The following LRR1 variants were observed in gnomAD, a reference collection of about 807,000 sequenced individuals.
The protein encoded by LRR1 is leucine rich repeat protein 1.
Under a neutral mutation model 31.6 loss-of-function variants are expected in LRR1, and 29 were observed. The observed-to-expected ratio is 0.92, with a 90% CI of 0.68 to 1.25. The LOEUF (loss-of-function observed/expected upper bound fraction) is 1.25, where lower values mean the gene tolerates loss of function less well. Among genes scored for constraint, LRR1 ranks in the 50% most tolerant of loss-of-function variants. LRR1 has a pLI of 0.00. For synonymous variants in LRR1, 179 were observed against 181.4 expected, an observed-to-expected ratio of 0.99 and a Z score of 0.10; for missense variants, 485 against 487.2, an observed-to-expected ratio of 1.00 and a Z score of 0.04.
intron 3 of LRR1, chr14:49,612,527 G>GT: frequency 8.1e-7 from 1 of 1,234,664 alleles, no homozygotes; most frequent in Non-Finnish European, 1.0e-6. Flanking sequence ...CCCTGGCAGA[G>GT]TTTTTTAAAA....
intron 2 of LRR1, among the ~76,000 whole-genome samples, chr14:49,606,849 G>T (rs1274852597): frequency 6.6e-6 from 1 of 150,964 alleles, no homozygotes; most frequent in Non-Finnish European, 1.5e-5. Context: ...TAGAAACAGG[G>T]CTTCACCATG....
chr14:49,606,145 G>GCTT (rs1271396342), intron 2 of LRR1, among the ~76,000 whole-genome samples: 4 of 150,196 alleles, frequency 2.7e-5, no homozygotes, highest in African/African-American at 2.5e-5. Context: ...TCCTGCCTCA[G>GCTT]CCTACCAAGC....
At position 49,614,463 on chromosome 14, in the gene LRR1, CTG is replaced by C. The variant is rs753903362; in HGVS notation, c.1214_1215del (p.Cys405LeufsTer3). Reference sequence around the variant, plus strand: ...TTATCTCTTATTTCTGTTCTCTAGGCTGTTATGTTAATTCCTCTGATATGTTA... The same window carrying C: ...TTATCTCTTATTTCTGTTCTCTAGGCTTATGTTAATTCCTCTGATATGTTA... The part of the protein sequence containing the change: ...PIISYFCSLG[C>X]YVNSSDMLK On this transcript the variant is annotated frameshift_variant, in exon 4 of 4. Coordinates refer to ENST00000298288, the MANE Select transcript of LRR1 (RefSeq NM_152329.4). LOFTEE classifies it high-confidence loss of function. 1 of 1,613,840 alleles carries C rather than the reference CTG, an allele frequency of 6.2e-7. No individual in the cohort carries two copies. The highest frequency in any genetic ancestry group is 1.7e-5 in the Admixed American group (1 of 60,004).
Position 49,599,333 on chromosome 14 carries a change from G to T in LRR1, c.183+130G>T, listed in dbSNP as rs1881944769. ...CGCCTTGGGGGTTCCTGAACTCCCAGCCTTGAGACCTACCATCAGCCCGAC... is the reference window on the plus strand; with the variant it reads ...CGCCTTGGGGGTTCCTGAACTCCCATCCTTGAGACCTACCATCAGCCCGAC... On this transcript the variant is annotated intron_variant, in intron 1 of 3. Coordinates refer to ENST00000298288, the MANE Select transcript of LRR1 (RefSeq NM_152329.4). The T allele has an allele frequency of 4.8e-6, 5 of 1,038,152 alleles. No homozygotes were observed. In the South Asian group the frequency reaches 6.9e-5, roughly 14 times the overall value. 64.3% of individuals were successfully genotyped at this position (1,038,152 alleles called of 1,614,324 possible). A position where few individuals can be genotyped will look rare whatever the true frequency, so the allele number is the denominator to read the frequency against.
At chr14:49,607,085 C>A (rs1316207625) in intron 2 of LRR1, among the ~76,000 whole-genome samples, 2 of 149,876 alleles carry the variant, frequency 1.3e-5, no homozygotes. Flanking sequence ...GGCTGGAGGG[C>A]AGTGATATCA....
intron 3 of LRR1, 116 bp from the exon 4 acceptor site, chr14:49,614,140 A>G: frequency 9.5e-7 from 1 of 1,048,312 alleles, no homozygotes; most frequent in South Asian, 1.7e-5. Flanking sequence ...AGTATATTTT[A>G]AATATACTAA....
chr14:49,606,712 A>G (rs560117468), intron 2 of LRR1, among the ~76,000 whole-genome samples: 1 of 149,168 alleles, frequency 6.7e-6, no homozygotes, highest in East Asian at 2.0e-4. Context: ...CCTGGAGTGC[A>G]GTGGCACAAT....
chr14:49,611,310 A>G (rs543881149), intron 3 of LRR1, among the ~76,000 whole-genome samples: 51 of 151,866 alleles, frequency 3.4e-4, no homozygotes, highest in Non-Finnish European at 6.2e-4. Context: ...CCTCGTCTCT[A>G]CTAAAAATAC....
In LRR1 at chr14:49,607,861, C is replaced by G. The variant is rs760627602; in HGVS notation, c.744C>G (p.Leu248=). 6.2e-7 allele frequency: 1 copy of G among 1,613,616 alleles called. No individual in the cohort carries two copies. The highest frequency in any genetic ancestry group is 8.5e-7 in the Non-Finnish European group (1 of 1,179,710). ...IKALPVQFCQ[L]QELKNLKLDD... The stretch of plus-strand genomic sequence containing the variant: ...CACTCCCTGTGCAGTTTTGCCAGCT[C>G]CAGGAACTTAAGAATTTAAAACTTG... Residue 248 remains leucine, a synonymous_variant, in exon 3 of 4, where the codon CTC becomes CTG. Transcript: ENST00000298288.
chr14:49,614,499 G>T lies in LRR1; in HGVS notation c.*3G>T. 1 of 1,613,190 alleles carries T rather than the reference G, an allele frequency of 6.2e-7. No homozygotes were observed. The highest frequency in any genetic ancestry group is 8.5e-7 in the Non-Finnish European group (1 of 1,179,678). The stretch of plus-strand genomic sequence containing the variant: ...ATTCCTCTGATATGTTAAAGTAATG[G>T]GTGAGACCAGAAAAAGAAATTTCAA... On this transcript the variant is annotated 3_prime_UTR_variant, in exon 4 of 4. Coordinates refer to ENST00000298288, the MANE Select transcript of LRR1 (RefSeq NM_152329.4).
intron 1 of LRR1, 103 bp downstream of exon 1, chr14:49,599,306 C>A: frequency 7.5e-7 from 1 of 1,335,090 alleles, no homozygotes; most frequent in Non-Finnish European, 1.0e-6. Flanking sequence ...TAGGCGAAAG[C>A]CCGCCTTGGG....
Position 49,599,006 on chromosome 14 carries a change from T to C in LRR1, c.-15T>C. On this transcript the variant is annotated 5_prime_UTR_variant, in exon 1 of 4. Coordinates refer to ENST00000298288, the MANE Select transcript of LRR1 (RefSeq NM_152329.4). ...TTTCAAAGCCAGCTTGACGTGGTTGTGGCCGTTGGGCGAGATGAAGCTACA... is the reference window on the plus strand; with the variant it reads ...TTTCAAAGCCAGCTTGACGTGGTTGCGGCCGTTGGGCGAGATGAAGCTACA... The C allele has an allele frequency of 6.3e-7, 1 of 1,599,928 alleles. No homozygotes were observed. Among genetic ancestry groups the C allele is most frequent in the South Asian group, 1.1e-5 (1 of 89,200 alleles).
intron 1 of LRR1, 79 bp downstream of exon 1, chr14:49,599,282 TC>T (rs1881941726): frequency 7.0e-7 from 1 of 1,430,896 alleles, no homozygotes; most frequent in Non-Finnish European, 9.3e-7. Flanking sequence ...GTCCTCATGC[TC>T]CCGGCTGCTC....
chr14:49,614,294 G>C lies in LRR1; in HGVS notation c.1043G>C (p.Cys348Ser). 6.2e-7 allele frequency: 1 copy of C among 1,613,164 alleles called. No homozygotes were observed. ...TCTCATATCATTCCATTCCATCTCT[G>C]CCAAGATTTGGATACCGCAAAAATT... ...YGSHIIPFHL[C>S]QDLDTAKICV... Residue 348 changes from cysteine to serine, a missense_variant, in exon 4 of 4, where the codon TGC (cysteine) becomes TCC (serine). Physicochemically the swap from Cys to Ser is moderately radical, Grantham distance 112. Around this residue, in one of 3 missense-constraint regions of LRR1, gnomAD observed 210 missense variants for 200.4 expected, o/e 1.05. Transcript: ENST00000298288.
intron 3 of LRR1, among the ~76,000 whole-genome samples, chr14:49,611,433 C>T (rs918607567): frequency 1.8e-4 from 27 of 151,972 alleles, no homozygotes; most frequent in African/African-American, 6.0e-4. Context: ...CGAGATGGCA[C>T]CACTGCACTC....
In LRR1 at chr14:49,607,880, A is replaced by G; in HGVS notation, c.763A>G (p.Lys255Glu). The change falls in exon 3 of 4, where the codon AAA (lysine) becomes GAA (glutamate). Residue 255 changes from lysine (K) to glutamate (E), a missense_variant. Coordinates refer to ENST00000298288, the MANE Select transcript of LRR1 (RefSeq NM_152329.4). ...CCAGCTCCAGGAACTTAAGAATTTA[A>G]AACTTGACGATAATGAATTGATTCA... is the stretch of plus-strand genomic sequence containing the variant. The part of the protein sequence containing the change: ...FCQLQELKNL[K>E]LDDNELIQFP... 6.2e-7 allele frequency: 1 copy of G among 1,613,124 alleles called. No homozygotes were observed. The highest frequency in any genetic ancestry group is 8.5e-7 in the Non-Finnish European group (1 of 1,179,372).
rs1882621791 is a variant in LRR1, at chr14:49,614,365, A to G, written c.1114A>G (p.Thr372Ala). ...FCLNSFIQGT[T>A]TMNLHSVAHT... ...TCTGAACTCTTTCATTCAAGGAACT[A>G]CTACCATGAATCTGCATTCTGTTGC... Residue 372 changes from threonine (T) to alanine (A), a missense_variant, in exon 4 of 4, where the codon ACT becomes GCT. Thr to Ala is a moderately conservative substitution (Grantham distance 58). Around this residue, in one of 3 missense-constraint regions of LRR1, gnomAD observed 210 missense variants for 200.4 expected, o/e 1.05. Coordinates refer to ENST00000298288, the MANE Select transcript of LRR1 (RefSeq NM_152329.4). 3 of 1,613,912 alleles carry G rather than the reference A, an allele frequency of 1.9e-6. No individual in the cohort carries two copies. The African/African-American group carries it at 4.0e-5, about 22-fold the overall frequency.
intron 2 of LRR1, among the ~76,000 whole-genome samples, chr14:49,605,687 C>A (rs1022262094): frequency 2.6e-5 from 4 of 152,132 alleles, no homozygotes; most frequent in African/African-American, 9.7e-5. Flanking sequence ...ACATTTTTTT[C>A]TATCCCCAAA....
chr14:49,608,561 C>T, intron 3 of LRR1, among the ~76,000 whole-genome samples: 1 of 151,240 alleles, frequency 6.6e-6, no homozygotes, highest in Non-Finnish European at 1.5e-5. Flanking sequence ...GTTTTATTCT[C>T]CACTATTTCC....
Sources: gnomAD v4.1 joint callset for allele counts (sites outside exome capture counted in the v4.1 genomes callset) on GRCh38, gnomAD v4.1.1 for gene constraint, gnomAD v4.1.1 regional missense constraint, MANE v1.5 for transcripts, NCBI Gene and HGNC (gene_info 2026-07-23, HGNC 2026-07-21) for gene names.